The following TMEM233 variants were observed in gnomAD, a reference collection of about 807,000 sequenced individuals.
TMEM233 encodes the protein transmembrane protein 233, also known as dispanin subfamily B member 2.
TMEM233 carries 6 observed loss-of-function variants against 11.2 expected under a neutral mutation model. The observed-to-expected ratio is 0.54, with a 90% confidence interval of 0.29 to 1.06. The LOEUF (loss-of-function observed/expected upper bound fraction) is 1.06. Ranked by LOEUF, TMEM233 falls within the 50% of genes least tolerant of loss-of-function variation. The pLI, the probability that TMEM233 is intolerant of heterozygous loss-of-function variation, is 0.08. For missense variants in TMEM233, 127 were observed against 144.7 expected (o/e 0.88, Z 0.63); for synonymous variants, 59 against 55.8 (o/e 1.06, Z -0.26).
intron 2 of TMEM233, chr12:119,631,739 T>G (rs903020668): frequency 4.2e-5 from 34 of 812,438 alleles, no homozygotes; most frequent in Non-Finnish European, 4.6e-5. Context: ...ACTTATTCAC[T>G]GTGAGACCTT....
intron 1 of TMEM233, among the ~76,000 whole-genome samples, chr12:119,626,426 C>G (rs560399821): frequency 6.9e-6 from 1 of 145,560 alleles, no homozygotes; most frequent in Non-Finnish European, 1.5e-5. Context: ...GCTGAGATCA[C>G]GTCACTGCAC....
downstream of TMEM233, among the ~76,000 whole-genome samples, chr12:119,646,195 C>G (rs1970985): frequency 0.78 from 118,200 of 151,840 alleles, 46,731 homozygotes; most frequent in Middle Eastern, 0.86. Context: ...GTAGCTGGGA[C>G]TACAGGCTAG....
At chr12:119,649,752 A>T in the TMEM233 span, among the ~76,000 whole-genome samples, 5 of 151,586 alleles carry the variant, frequency 3.3e-5, no homozygotes, top group Non-Finnish European at 7.4e-5. Flanking sequence ...GGTGGATAAG[A>T]TCATCAAATG....
At chr12:119,640,216 A>G (rs1336746634) in intron 2 of TMEM233, among the ~76,000 whole-genome samples, 6 of 152,158 alleles carry the variant, frequency 3.9e-5, no homozygotes, top group African/African-American at 1.4e-4. Flanking sequence ...GTGCAGTGGC[A>G]CAATCTCGGC....
chr12:119,637,677 G>A (rs1333823481), intron 2 of TMEM233, among the ~76,000 whole-genome samples: 2 of 152,148 alleles, frequency 1.3e-5, no homozygotes, highest in African/African-American at 4.8e-5. Context: ...ATTTCTAGAA[G>A]GTTAGAAGGG....
chr12:119,604,355 AC>A (rs1954223635), intron 1 of TMEM233, among the ~76,000 whole-genome samples: 1 of 152,174 alleles, frequency 6.6e-6, no homozygotes, highest in Admixed American at 6.5e-5. Context: ...CCTTTGGCAA[AC>A]CCCTGTGCAT....
chr12:119,653,081 C>G, the TMEM233 span, among the ~76,000 whole-genome samples: 2 of 152,212 alleles, frequency 1.3e-5, no homozygotes. Context: ...ATATTATCCA[C>G]AATGTGCAGT....
chr12:119,631,769 C>A, intron 2 of TMEM233: 1 of 519,148 alleles, frequency 1.9e-6, no homozygotes, highest in Non-Finnish European at 2.5e-6. Context: ...GTTTAACATT[C>A]CTGAACCTCA....
At chr12:119,616,251 T>G (rs1015840826) in intron 1 of TMEM233, among the ~76,000 whole-genome samples, 3 of 152,194 alleles carry the variant, frequency 2.0e-5, no homozygotes, top group Non-Finnish European at 2.9e-5. Flanking sequence ...GACTCCTGCA[T>G]GCCTTATGAA....
chr12:119,645,375 C>G (rs1315986813), downstream of TMEM233, among the ~76,000 whole-genome samples: 3 of 143,176 alleles, frequency 2.1e-5, no homozygotes, highest in Non-Finnish European at 4.5e-5. Flanking sequence ...TGGGTTACAA[C>G]CAATTCTTAA....
chr12:119,624,845 AT>A (rs1566108084), intron 1 of TMEM233, among the ~76,000 whole-genome samples: 1 of 152,174 alleles, frequency 6.6e-6, no homozygotes, highest in Non-Finnish European at 1.5e-5. Flanking sequence ...TTGTAGGCAT[AT>A]TTTACCACAA....
chr12:119,608,798 TG>T (rs1458534254), intron 1 of TMEM233, among the ~76,000 whole-genome samples: 2 of 152,224 alleles, frequency 1.3e-5, no homozygotes, highest in African/African-American at 4.8e-5. Flanking sequence ...CAGGGAGGGA[TG>T]TTCTCCTACA....
intron 1 of TMEM233, among the ~76,000 whole-genome samples, chr12:119,600,062 T>C (rs905727502): frequency 6.6e-6 from 1 of 152,070 alleles, no homozygotes; most frequent in Non-Finnish European, 1.5e-5. Flanking sequence ...CACCCACCCA[T>C]TAACAAGCTC....
intron 1 of TMEM233, among the ~76,000 whole-genome samples, chr12:119,617,190 C>T (rs113174140): frequency 7.2e-5 from 11 of 152,056 alleles, no homozygotes; most frequent in African/African-American, 2.4e-4. Context: ...TTTGGAACTT[C>T]CTAGAGACTT....
intron 1 of TMEM233, among the ~76,000 whole-genome samples, chr12:119,600,156 T>G (rs1218042921): frequency 1.5e-5 from 2 of 137,640 alleles, no homozygotes; most frequent in African/African-American, 5.5e-5. Flanking sequence ...ATCAGACATA[T>G]GAAAAACTCT....
intron 2 of TMEM233, among the ~76,000 whole-genome samples, chr12:119,639,050 T>C (rs914414718): frequency 1.3e-5 from 2 of 152,122 alleles, no homozygotes; most frequent in Non-Finnish European, 2.9e-5. Flanking sequence ...AATGCAAGCA[T>C]ATTCCTGCCT....
At chr12:119,633,934 G>A (rs1180159384) in intron 2 of TMEM233, among the ~76,000 whole-genome samples, 1 of 125,708 alleles carries the variant, frequency 8.0e-6, no homozygotes, top group Admixed American at 8.6e-5. Flanking sequence ...TAAATCAGAA[G>A]TGGGGTTCAA....
chr12:119,612,750 CAAAAAAA>C (rs35540796), intron 1 of TMEM233, among the ~76,000 whole-genome samples: 1 of 108,552 alleles, frequency 9.2e-6, no homozygotes. Flanking sequence ...GACTCCGTCT[CAAAAAAA>C]AAAAAAAAAA....
At chr12:119,600,363 G>A (rs1221780434) in intron 1 of TMEM233, among the ~76,000 whole-genome samples, 1 of 138,402 alleles carries the variant, frequency 7.2e-6, no homozygotes, top group Non-Finnish European at 1.5e-5. Context: ...GAGCTCTTGG[G>A]AATTAAAAAA....
Sources: allele counts gnomAD v4.1 joint callset (sites outside exome capture counted in the v4.1 genomes callset), GRCh38; gene constraint gnomAD v4.1.1; transcripts MANE v1.5; gene names NCBI Gene and HGNC (gene_info 2026-07-23, HGNC 2026-07-21).